The following DLG2 variants were observed in gnomAD, a reference collection of about 807,000 sequenced individuals.
DLG2 encodes discs large MAGUK scaffold protein 2.
Under a neutral mutation model 132.5 loss-of-function variants are expected in DLG2, and 45 were observed. The ratio of observed to expected loss-of-function variants is 0.34; its 90% CI spans 0.27 to 0.44. The LOEUF is 0.44. Among genes scored for constraint, DLG2 ranks in the 20% least tolerant of loss-of-function variants. The probability of loss-of-function intolerance (pLI) is 1.00; values close to 1 mark genes in which losing one functional copy is unlikely to be tolerated. For missense variants in DLG2, 1,045 were observed against 1,196.9 expected (o/e 0.87, Z 1.87); for synonymous variants, 424 against 419.6 (o/e 1.01, Z -0.13).
chr11:85,556,873 AAT>A (rs1303506851), intron 3 of DLG2, among the ~76,000 whole-genome samples: 4 of 151,886 alleles, frequency 2.6e-5, no homozygotes, highest in Admixed American at 2.0e-4. Flanking sequence ...AGATGAAAAA[AAT>A]ATATGTCATT....
intron 7 of DLG2, among the ~76,000 whole-genome samples, chr11:84,345,947 C>A (rs374066188): frequency 6.6e-6 from 1 of 152,024 alleles, no homozygotes; most frequent in African/African-American, 2.4e-5. Flanking sequence ...AGTTTGCTAC[C>A]CTTTGGTATA....
intron 6 of DLG2, among the ~76,000 whole-genome samples, chr11:84,714,647 T>TCTCTCTTTCTC (rs2060981509): frequency 1.1e-5 from 1 of 90,650 alleles, no homozygotes; most frequent in African/African-American, 5.9e-5. Context: ...CTCTCTCTCT[T>TCTCTCTTTCTC]TCTCTCTCTC....
chr11:83,478,716 A>G (rs895586289), intron 22 of DLG2, among the ~76,000 whole-genome samples: 1 of 152,066 alleles, frequency 6.6e-6, no homozygotes, highest in African/African-American at 2.4e-5. Context: ...ATAAAGCATG[A>G]TGCTTTCTTT....
intron 4 of DLG2, among the ~76,000 whole-genome samples, chr11:85,284,936 T>C (rs1016125530): frequency 6.6e-6 from 1 of 151,890 alleles, no homozygotes; most frequent in Non-Finnish European, 1.5e-5. Flanking sequence ...CAGGTAACCA[T>C]GTTCTGAAAC....
chr11:84,301,610 G>T (rs1185358764), intron 7 of DLG2, among the ~76,000 whole-genome samples: 1 of 123,172 alleles, frequency 8.1e-6, no homozygotes, highest in Non-Finnish European at 1.6e-5. Context: ...AGTAAGCCGA[G>T]ATCATGCCAC....
chr11:84,607,300 T>C (rs2099587574), intron 6 of DLG2, among the ~76,000 whole-genome samples: 1 of 152,164 alleles, frequency 6.6e-6, no homozygotes, highest in African/African-American at 2.4e-5. Flanking sequence ...CAGAAGCAAG[T>C]ATACAGATAG....
chr11:85,487,496 A>C (rs1238871743), intron 3 of DLG2, among the ~76,000 whole-genome samples: 1 of 151,804 alleles, frequency 6.6e-6, no homozygotes, highest in Non-Finnish European at 1.5e-5. Context: ...AACCAAATAG[A>C]ACTTATGGAA....
At chr11:85,511,232 G>A (rs1466222608) in intron 3 of DLG2, among the ~76,000 whole-genome samples, 1 of 151,988 alleles carries the variant, frequency 6.6e-6, no homozygotes, top group Non-Finnish European at 1.5e-5. Flanking sequence ...TGGGGTGGGG[G>A]AAGAGGGAAG....
intron 6 of DLG2, among the ~76,000 whole-genome samples, chr11:84,968,237 T>C (rs1004120771): frequency 2.0e-5 from 3 of 152,148 alleles, no homozygotes; most frequent in Admixed American, 1.3e-4. Flanking sequence ...ATCTAACATA[T>C]ATAATAGATT....
chr11:85,595,899 C>T (rs117186122), intron 3 of DLG2, among the ~76,000 whole-genome samples: 4,474 of 152,172 alleles, frequency 0.029, 111 homozygotes, highest in Middle Eastern at 0.044. Flanking sequence ...TTAAAACATG[C>T]TAGTATTTTT....
intron 4 of DLG2, among the ~76,000 whole-genome samples, chr11:85,189,417 A>G (rs537834316): frequency 6.6e-6 from 1 of 152,326 alleles, no homozygotes; most frequent in Admixed American, 6.5e-5. Flanking sequence ...TGGCAATATA[A>G]AACAACACAC....
At chr11:84,818,553 C>CATTT (rs1323195036) in intron 6 of DLG2, among the ~76,000 whole-genome samples, 2 of 151,774 alleles carry the variant, frequency 1.3e-5, no homozygotes, top group African/African-American at 2.4e-5. Flanking sequence ...AGTTCAGAGA[C>CATTT]ATTTACCATG....
intron 7 of DLG2, among the ~76,000 whole-genome samples, chr11:84,326,300 T>C (rs888838406): frequency 5.1e-4 from 78 of 152,128 alleles, no homozygotes; most frequent in Non-Finnish European, 1.5e-4. Flanking sequence ...TTTTCCAGTT[T>C]CTTGAAATGT....
intron 19 of DLG2, among the ~76,000 whole-genome samples, chr11:83,551,183 C>T (rs2096381668): frequency 6.6e-6 from 1 of 152,096 alleles, no homozygotes; most frequent in African/African-American, 2.4e-5. Flanking sequence ...ATAAGAATTA[C>T]ACATGAGAGC....
At chr11:84,791,647 A>C (rs1358925299) in intron 6 of DLG2, among the ~76,000 whole-genome samples, 1 of 151,880 alleles carries the variant, frequency 6.6e-6, no homozygotes, top group East Asian at 1.9e-4. Flanking sequence ...CATTGTGGAG[A>C]TCTTTTGCTT....
At chr11:85,073,379 C>T (rs1017639393) in intron 6 of DLG2, among the ~76,000 whole-genome samples, 3 of 151,836 alleles carry the variant, frequency 2.0e-5, no homozygotes, top group African/African-American at 7.2e-5. Flanking sequence ...AACCTTTTAA[C>T]AAGTTCTTAA....
At chr11:85,494,515 C>T (rs2093629091) in intron 3 of DLG2, among the ~76,000 whole-genome samples, 1 of 151,922 alleles carries the variant, frequency 6.6e-6, no homozygotes, top group Non-Finnish European at 1.5e-5. Flanking sequence ...GGAAAGTAAG[C>T]AATGTTAAAA....
intron 7 of DLG2, among the ~76,000 whole-genome samples, chr11:84,510,984 G>A (rs1298976795): frequency 2.0e-5 from 3 of 152,012 alleles, no homozygotes; most frequent in Non-Finnish European, 4.4e-5. Context: ...CTTCTTACAT[G>A]GAACATATCC....
In DLG2 at chr11:84,628,668, T is replaced by C. The variant is rs1194188274; in HGVS notation, c.358-93937A>G. Among the ~76,000 whole-genome samples the C allele has an allele frequency of 3.9e-5, 6 of 152,318 alleles. No individual in the cohort carries two copies. In the East Asian group the frequency reaches 7.7e-4, roughly 20 times the overall value. ...GAAGCTTTCTTGAAACTTGCATGAA[T>C]TTTGAAGAGCCTCTCTACTTTCATG... On this transcript the variant is annotated intron_variant, in intron 6 of 27. Coordinates refer to ENST00000376104, the MANE Select transcript of DLG2 (RefSeq NM_001142699.3).
Sources: gnomAD v4.1 joint callset for allele counts (sites outside exome capture counted in the v4.1 genomes callset) on GRCh38, gnomAD v4.1.1 for gene constraint, MANE v1.5 for transcripts, NCBI Gene and HGNC (gene_info 2026-07-23, HGNC 2026-07-21) for gene names.